DNAJC24: variants seen among roughly 807,000 people sequenced by gnomAD.
DNAJC24 encodes the protein dnaJ homolog subfamily C member 24.
A neutral mutation model predicts 18.0 loss-of-function variants in DNAJC24; 17 were observed. That is an observed-to-expected ratio of 0.94 (90% CI 0.65 to 1.42). The LOEUF (loss-of-function observed/expected upper bound fraction) is 1.42. Ranked by LOEUF, DNAJC24 falls within the 40% of genes most tolerant of loss-of-function variation. The pLI, the probability that DNAJC24 is intolerant of heterozygous loss-of-function variation, is 0.00. For missense variants in DNAJC24, 158 were observed against 175.6 expected (o/e 0.90, Z 0.57); for synonymous variants, 55 against 57.7 (o/e 0.95, Z 0.21).
chr11:31,380,204 CTG>C lies in DNAJC24; in HGVS notation c.111+9346_111+9347del, dbSNP rs747686246. Among the ~76,000 whole-genome samples the C allele has an allele frequency of 5.3e-5, 8 of 152,076 alleles. No homozygotes were observed. In the East Asian group the frequency reaches 9.6e-4, roughly 18 times the overall value. On this transcript the variant is annotated intron_variant, in intron 2 of 4. Coordinates refer to ENST00000465995, the MANE Select transcript of DNAJC24 (RefSeq NM_181706.5). ...TAAAAGAATTATAGCGTTTCAGAAA[CTG>C]AAAGAATCTAGCTAAAAGAATCATA...
At chr11:31,407,590 C>G (rs536674150) in intron 2 of DNAJC24, 1 of 146,566 alleles carries the variant, frequency 6.8e-6, no homozygotes, top group East Asian at 2.1e-4. Flanking sequence ...GAGGCTGAGG[C>G]GGGAGGATCG....
At chr11:31,421,241 T>C (rs1952801136) in intron 3 of DNAJC24, among the ~76,000 whole-genome samples, 1 of 152,210 alleles carries the variant, frequency 6.6e-6, no homozygotes, top group South Asian at 2.1e-4. Context: ...AATGTAATTA[T>C]GTATAGTGAA....
At position 31,426,192 on chromosome 11, in the gene DNAJC24, T is replaced by C. The variant is rs930227770; in HGVS notation, c.251-95T>C. Reference sequence around the variant, plus strand: ...TTAAGTGATAGGTAAGTTAGAATTGTAGTGGCCAGGCTGGCGTTGCCTTTT... The same window carrying C: ...TTAAGTGATAGGTAAGTTAGAATTGCAGTGGCCAGGCTGGCGTTGCCTTTT... On this transcript the variant is annotated intron_variant, in intron 3 of 4. Coordinates refer to ENST00000465995, the MANE Select transcript of DNAJC24 (RefSeq NM_181706.5). 6.7e-6 allele frequency: 5 copies of C among 741,778 alleles called. No homozygotes were observed. In the African/African-American group the frequency reaches 9.3e-5, roughly 14 times the overall value. The allele number at this position is 741,778 out of a possible 1,614,324, so 45.9% of individuals were successfully genotyped here. A position where few individuals can be genotyped will look rare whatever the true frequency, so the allele number is the denominator to read the frequency against.
At chr11:31,391,890 A>T (rs1389018700) in intron 2 of DNAJC24, among the ~76,000 whole-genome samples, 3 of 152,190 alleles carry the variant, frequency 2.0e-5, no homozygotes, top group Admixed American at 2.0e-4. Flanking sequence ...AAAAATGTAT[A>T]TATACACAAC....
In DNAJC24 at chr11:31,404,023, A is replaced by G. The variant is rs537865786; in HGVS notation, c.112-10788A>G. Among the ~76,000 whole-genome samples the G allele has an allele frequency of 2.6e-5, 4 of 152,336 alleles. No individual in the cohort carries two copies. In the East Asian group the frequency reaches 7.7e-4, roughly 29 times the overall value. On this transcript the variant is annotated intron_variant, in intron 2 of 4. Transcript: ENST00000465995. The stretch of plus-strand genomic sequence containing the variant: ...CCTGTCTCCCCTTTTTAGACCTTAT[A>G]GGATAACTTCCTGATGTTGTCATGG...
intron 4 of DNAJC24, chr11:31,427,562 G>GTA (rs1952874510): frequency 6.6e-6 from 1 of 152,002 alleles, no homozygotes; most frequent in South Asian, 2.1e-4. Flanking sequence ...ATGCACATAT[G>GTA]TATATATACA....
chr11:31,409,792 CA>C (rs1465196353), intron 2 of DNAJC24, among the ~76,000 whole-genome samples: 1 of 151,812 alleles, frequency 6.6e-6, no homozygotes, highest in Non-Finnish European at 1.5e-5. Flanking sequence ...ACTTTATAAG[CA>C]ATTGCCAAAT....
intron 2 of DNAJC24, among the ~76,000 whole-genome samples, chr11:31,413,916 T>C (rs1329542499): frequency 6.6e-6 from 1 of 152,118 alleles, no homozygotes; most frequent in Non-Finnish European, 1.5e-5. Flanking sequence ...GACATATTGA[T>C]CCTTTCAGAA....
intron 2 of DNAJC24, among the ~76,000 whole-genome samples, chr11:31,375,039 T>A (rs1175827357): frequency 7.4e-6 from 1 of 134,536 alleles, no homozygotes; most frequent in African/African-American, 2.5e-5. Context: ...GTGAGCCAGT[T>A]GCTGTGGTTC....
chr11:31,390,809 C>G (rs1461478083), intron 2 of DNAJC24, among the ~76,000 whole-genome samples: 1 of 151,772 alleles, frequency 6.6e-6, no homozygotes, highest in African/African-American at 2.4e-5. Context: ...TAATACCAAT[C>G]CTACTACACT....
At chr11:31,398,728 G>A (rs544961350) in intron 2 of DNAJC24, among the ~76,000 whole-genome samples, 1 of 152,262 alleles carries the variant, frequency 6.6e-6, no homozygotes, top group East Asian at 1.9e-4. Flanking sequence ...TATAAGAAAA[G>A]CATGAAAGCG....
chr11:31,413,354 G>A (rs768824102), intron 2 of DNAJC24, among the ~76,000 whole-genome samples: 9 of 130,068 alleles, frequency 6.9e-5, no homozygotes, highest in African/African-American at 1.2e-4. Flanking sequence ...TTTTTGAGAC[G>A]GAGTCTTGCT....
At chr11:31,426,178 G>T in intron 3 of DNAJC24, 109 bp from the exon 4 acceptor site, 1 of 668,224 alleles carries the variant, frequency 1.5e-6, no homozygotes, top group Non-Finnish European at 2.5e-6. Flanking sequence ...TAAGTGATAG[G>T]TAAGTTAGAA....
chr11:31,395,413 A>G (rs1427966149), intron 2 of DNAJC24, among the ~76,000 whole-genome samples: 1 of 152,154 alleles, frequency 6.6e-6, no homozygotes, highest in Non-Finnish European at 1.5e-5. Flanking sequence ...TTTATACCCA[A>G]TAATGGGATT....
intron 2 of DNAJC24, among the ~76,000 whole-genome samples, chr11:31,412,644 A>G (rs1479778914): frequency 6.6e-6 from 1 of 152,202 alleles, no homozygotes; most frequent in Non-Finnish European, 1.5e-5. Context: ...GGCAAAGAAG[A>G]TGAAACAGTA....
chr11:31,394,852 T>C (rs1228185494), intron 2 of DNAJC24, among the ~76,000 whole-genome samples: 1 of 151,980 alleles, frequency 6.6e-6, no homozygotes, highest in Non-Finnish European at 1.5e-5. Context: ...AAAGCAAAAA[T>C]CATGCATTAA....
In DNAJC24 at chr11:31,414,820, G is replaced by C. The variant is rs538538453; in HGVS notation, c.121G>C (p.Asp41His). The C allele has an allele frequency of 1.9e-6, 3 of 1,612,970 alleles. No individual in the cohort carries two copies. The highest frequency in any genetic ancestry group is 2.5e-6 in the Non-Finnish European group (3 of 1,179,536). ...YQKLILMYHP[D>H]KQSTDVPAGT... Reference sequence around the variant, plus strand: ...TCTTTTTGATTGGCAGTATCATCCAGATAAACAAAGTACAGATGTACCAGC... The same window carrying C: ...TCTTTTTGATTGGCAGTATCATCCACATAAACAAAGTACAGATGTACCAGC... Residue 41 changes from aspartate (D) to histidine (H), a missense_variant, in exon 3 of 5, where the codon GAT (aspartate) becomes CAT (histidine). Physicochemically the swap from Asp to His is moderately conservative, Grantham distance 81. Transcript: ENST00000465995.
At chr11:31,414,754 T>C (rs951955676) in intron 2 of DNAJC24, 57 bp from the exon 3 acceptor site, 2 of 1,526,518 alleles carry the variant, frequency 1.3e-6, no homozygotes, top group Non-Finnish European at 1.8e-6. Flanking sequence ...TTTTTTTAAA[T>C]CTAACCCCAC....
chr11:31,408,607 CAGAT>C lies in DNAJC24; in HGVS notation c.112-6202_112-6199del, dbSNP rs546878247. Among the ~76,000 whole-genome samples the C allele has an allele frequency of 3.9e-5, 6 of 152,264 alleles. No homozygotes were observed. In the East Asian group the frequency reaches 1.2e-3, roughly 29 times the overall value. The stretch of plus-strand genomic sequence containing the variant: ...ATCCATGAAATAGTCATTTAGAAAA[CAGAT>C]AACACATACCAATCCTGATGAAATA... On this transcript the variant is annotated intron_variant, in intron 2 of 4. Coordinates refer to ENST00000465995, the MANE Select transcript of DNAJC24 (RefSeq NM_181706.5).
Sources: allele counts gnomAD v4.1 joint callset (sites outside exome capture counted in the v4.1 genomes callset), GRCh38; gene constraint gnomAD v4.1.1; transcripts MANE v1.5; gene names NCBI Gene and HGNC (gene_info 2026-07-23, HGNC 2026-07-21).